The following TTN variants were observed in gnomAD, a reference collection of about 807,000 sequenced individuals.
TTN encodes connectin.
In TTN, 1,525 loss-of-function variants were observed where a neutral mutation model predicts 3,223.0. The observed-to-expected ratio is 0.47, with a 90% CI of 0.45 to 0.49. TTN has a LOEUF of 0.49. Ranked by LOEUF, TTN falls within the 20% of genes least tolerant of loss-of-function variation. The probability of loss-of-function intolerance (pLI) is 0.00; values close to 1 mark genes in which losing one functional copy is unlikely to be tolerated. For missense variants in TTN, 40,786 were observed against 43,424.0 expected (o/e 0.94, Z 5.40); for synonymous variants, 14,094 against 15,161.0 (o/e 0.93, Z 5.17).
chr2:178,775,238 C>T (rs1257645545), intron 28 of TTN, 36 bp from the exon 29 acceptor site: 1 of 1,613,020 alleles, frequency 6.2e-7, no homozygotes, highest in Non-Finnish European at 8.5e-7. Context: ...GGGGAGAGCA[C>T]ATTATATTAA....
intron 217 of TTN, 96 bp from the exon 218 acceptor site, chr2:178,644,712 A>G: frequency 1.1e-6 from 1 of 947,758 alleles, no homozygotes; most frequent in Non-Finnish European, 1.5e-6. Context: ...AGCTTTGCTT[A>G]TAACCAGAAA....
intron 218 of TTN, among the ~76,000 whole-genome samples, chr2:178,643,251 A>G (rs72953381): frequency 0.02 from 3,079 of 152,110 alleles, 58 homozygotes; most frequent in Non-Finnish European, 0.032. Context: ...TTTAAACAAG[A>G]TATTTGCAAT....
intron 47 of TTN, chr2:178,748,537 C>A: frequency 2.5e-6 from 4 of 1,612,976 alleles, no homozygotes; most frequent in Middle Eastern, 1.7e-4. Flanking sequence ...TATGAGAATA[C>A]ATTTGTTTTA....
chr2:178,536,192 C>T lies in TTN; in HGVS notation c.100555G>A (p.Val33519Met). 1 of 1,613,508 alleles carries T rather than the reference C, an allele frequency of 6.2e-7. No individual in the cohort carries two copies. The highest frequency in any genetic ancestry group is 8.5e-7 in the Non-Finnish European group (1 of 1,179,606). ...ACGATAGGTTTTGGATGACCAGTCA[C>T]TTTGCAGACCAAGGTAGCATTGCTC... ...YQSNATLVCKVTGHPKPIVKW... is the reference protein window; with the variant it reads ...YQSNATLVCKMTGHPKPIVKW... The change falls in exon 357 of 363, where the codon GTG (valine) becomes ATG (methionine). Residue 33519 changes from valine to methionine, a missense_variant. By Grantham distance (21) the Val-to-Met change is conservative (BLOSUM62 1). Coordinates refer to ENST00000589042, the MANE Select transcript of TTN (RefSeq NM_001267550.2).
chr2:178,666,701 G>A, intron 163 of TTN, 123 bp downstream of exon 163: 1 of 742,892 alleles, frequency 1.3e-6, no homozygotes, highest in Non-Finnish European at 2.1e-6. Context: ...TCTACTTGGG[G>A]GATCCATCTC....
At chr2:178,612,221 A>G in intron 266 of TTN, 56 bp downstream of exon 266, 1 of 1,603,976 alleles carries the variant, frequency 6.2e-7, no homozygotes, top group Non-Finnish European at 8.5e-7. Context: ...ATCTCCTGTC[A>G]CAAAAATTAA....
In TTN at chr2:178,571,097, C is replaced by T. The variant is rs866517435; in HGVS notation, c.75035G>A (p.Arg25012Gln). ...CCTTGTGACAATGATTGCCTCTGGC[C>T]GTCCTGGTGGATCACATGGGTCACG... ...VARDPCDPPG[R>Q]PEAIIVTRNS... is the part of the protein sequence containing the mutation. The change falls in exon 326 of 363, where the codon CGG (arginine) becomes CAG (glutamine). Residue 25012 changes from arginine (R) to glutamine (Q), a missense_variant. Coordinates refer to ENST00000589042, the MANE Select transcript of TTN (RefSeq NM_001267550.2). 33 of 1,613,236 alleles carry T rather than the reference C, an allele frequency of 2.0e-5. No homozygotes were observed. Among genetic ancestry groups the T allele is most frequent in the African/African-American group, 2.7e-5 (2 of 74,868 alleles).
At chr2:178,678,928 T>G in intron 142 of TTN, 98 bp from the exon 143 acceptor site, 1 of 925,838 alleles carries the variant, frequency 1.1e-6, no homozygotes, top group Non-Finnish European at 1.6e-6. Context: ...AGCATAGATA[T>G]TCTATCAATT....
rs1576742510 is a variant in TTN at position 178,636,188 on chromosome 2, C to A, written c.41383G>T (p.Gly13795Ter). ...TCGCAGCTCAAGTACAATGGCTGTC[C>A]TTTGACCACTGTGACTTCCTCTTCC... is the stretch of plus-strand genomic sequence containing the variant. ...TLEEEVTVVK[G>*]QPLYLSCELN... Residue 13795 changes from glycine (G) to a stop codon, truncating the protein, a stop_gained, in exon 226 of 363, where the codon GGA becomes TGA. Transcript: ENST00000589042. LOFTEE classifies it high-confidence loss of function. This position sits in a 1 kb window ranked among gnomAD's most constrained non-coding sequence, Gnocchi z 4.3. 1 of 1,608,776 alleles carries A rather than the reference C, an allele frequency of 6.2e-7. No homozygotes were observed.
Position 178,748,419 on chromosome 2 carries a change from T to C in TTN, c.11311+4705A>G, listed in dbSNP as rs1009737992. On this transcript the variant is annotated intron_variant, in intron 47 of 362. Transcript: ENST00000589042. Reference sequence around the variant, plus strand: ...TTATTTTGCACACTTTTAGAGATATTGTGTGTGTCAGGTTGTAACGTTTCA... The same window carrying C: ...TTATTTTGCACACTTTTAGAGATATCGTGTGTGTCAGGTTGTAACGTTTCA... The C allele has an allele frequency of 1.2e-6, 2 of 1,613,028 alleles. No homozygotes were observed. The highest frequency in any genetic ancestry group is 1.7e-5 in the Admixed American group (1 of 59,912).
chr2:178,584,192 G>T, intron 311 of TTN, 84 bp downstream of exon 311: 1 of 1,443,438 alleles, frequency 6.9e-7, no homozygotes, highest in Non-Finnish European at 9.3e-7. Flanking sequence ...CTGTGTCTTG[G>T]AGTCCAAATC....
Position 178,740,872 on chromosome 2 carries a change from C to T in TTN, c.12361G>A (p.Asp4121Asn). The change falls in exon 48 of 363, where the codon GAC becomes AAC. Residue 4121 changes from aspartate to asparagine, a missense_variant. Physicochemically the swap from Asp to Asn is conservative, Grantham distance 23. Coordinates refer to ENST00000589042, the MANE Select transcript of TTN (RefSeq NM_001267550.2). ...CTGGTGCTTTCAGGAGTGAGCTTGT[C>T]TTGCTCCAAAATGGATTGCAATTCC... ...AQELQSILEQ[D>N]KLTPESTREF... The T allele has an allele frequency of 1.2e-6, 2 of 1,613,910 alleles. No individual in the cohort carries two copies. The highest frequency in any genetic ancestry group is 1.7e-6 in the Non-Finnish European group (2 of 1,179,832).
At chr2:178,661,061 T>G (rs1577066361) in intron 180 of TTN, among the ~76,000 whole-genome samples, 1 of 48,844 alleles carries the variant, frequency 2.0e-5, no homozygotes, top group Non-Finnish European at 4.3e-5. Context: ...ATAGGAACAC[T>G]TTTACAATGT....
chr2:178,541,117 A>C (rs1694299954), intron 350 of TTN, 165 bp downstream of exon 350: 2 of 645,362 alleles, frequency 3.1e-6, no homozygotes, highest in Non-Finnish European at 4.6e-6. Context: ...AAACGGACAC[A>C]AGGGAACTTT....
intron 208 of TTN, 55 bp downstream of exon 208, chr2:178,651,188 G>T: frequency 7.0e-7 from 1 of 1,419,430 alleles, no homozygotes; most frequent in Non-Finnish European, 9.8e-7. Flanking sequence ...GATAATAGGT[G>T]ACTTATTAGA....
intron 68 of TTN, 54 bp downstream of exon 68, chr2:178,727,531 C>T: frequency 1.3e-6 from 2 of 1,521,104 alleles, no homozygotes; most frequent in Non-Finnish European, 1.8e-6. Context: ...TAACTGAATA[C>T]AGAGAACCAA....
At position 178,774,553 on chromosome 2, in the gene TTN, A is replaced by T. The variant is rs529077531; in HGVS notation, c.6791-80T>A. 51 of 1,392,914 alleles carry T rather than the reference A, an allele frequency of 3.7e-5. No homozygotes were observed. In the South Asian group the frequency reaches 5.9e-4, roughly 16 times the overall value. 86.3% of individuals were successfully genotyped at this position (1,392,914 alleles called of 1,614,324 possible). A position where few individuals can be genotyped will look rare whatever the true frequency, so the allele number is the denominator to read the frequency against. ...ACTTAGGATAGAGATGATGTCTTGT[A>T]TGTCTTTTATCTCCCCCATACTATC... On this transcript the variant is annotated intron_variant, in intron 29 of 362. Transcript: ENST00000589042.
rs1450579533 is a variant in TTN, at chr2:178,719,744, T to G, written c.23748A>C (p.Pro7916=). 3.1e-6 allele frequency: 5 copies of G among 1,613,736 alleles called. No homozygotes were observed. The highest frequency in any genetic ancestry group is 4.2e-6 in the Non-Finnish European group (5 of 1,179,706). The part of the protein sequence containing the change: ...FALECVVTGT[P]ELSAKWFKDG... Reference sequence around the variant, plus strand: ...CTTTGAACCACTTGGCTGAGAGTTCTGGTGTTCCAGTCACTACACACTCTA... The same window carrying G: ...CTTTGAACCACTTGGCTGAGAGTTCGGGTGTTCCAGTCACTACACACTCTA... The change falls in exon 82 of 363, where the codon CCA becomes CCC. Residue 7916 remains proline (P), a synonymous_variant. Coordinates refer to ENST00000589042, the MANE Select transcript of TTN (RefSeq NM_001267550.2).
chr2:178,615,540 T>A, intron 258 of TTN, 56 bp from the exon 259 acceptor site: 1 of 1,608,374 alleles, frequency 6.2e-7, no homozygotes, highest in Admixed American at 1.7e-5. Flanking sequence ...GCAGTTCTCT[T>A]CACATTGCCA....
Sources: gnomAD v4.1 joint callset for allele counts (sites outside exome capture counted in the v4.1 genomes callset) on GRCh38, gnomAD v4.1.1 for gene constraint, Gnocchi (gnomAD v3.1) non-coding constraint, MANE v1.5 for transcripts, NCBI Gene and HGNC (gene_info 2026-07-23, HGNC 2026-07-21) for gene names.